Variants in PDZD2 observed in about 807,000 individuals in gnomAD.
PDZD2 encodes the protein PDZ domain-containing protein 2.
Under a neutral mutation model 220.7 loss-of-function variants are expected in PDZD2, and 90 were observed. The observed-to-expected ratio is 0.41, with a 90% CI of 0.34 to 0.49. The LOEUF is 0.49. Among genes scored for constraint, PDZD2 ranks in the 20% least tolerant of loss-of-function variants. PDZD2 has a pLI of 0.28. For synonymous variants in PDZD2, 1,375 were observed against 1,450.5 expected, an observed-to-expected ratio of 0.95 and a Z score of 1.18; for missense variants, 3,174 against 3,608.5, an observed-to-expected ratio of 0.88 and a Z score of 3.08.
chr5:31,852,075 T>C (rs1317726597), intron 2 of PDZD2, among the ~76,000 whole-genome samples: 1 of 152,072 alleles, frequency 6.6e-6, no homozygotes, highest in Non-Finnish European at 1.5e-5. Context: ...CAGGCTGGTC[T>C]TGAGCTCCTG....
At chr5:32,072,473 G>A (rs1289076572) in intron 17 of PDZD2, among the ~76,000 whole-genome samples, 156 bp downstream of exon 17, 1 of 152,262 alleles carries the variant, frequency 6.6e-6, no homozygotes, top group African/African-American at 2.4e-5. Context: ...GCTCACGCCT[G>A]TAATCCTAGC....
chr5:31,943,509 A>G (rs534220242), intron 2 of PDZD2, among the ~76,000 whole-genome samples: 15 of 152,306 alleles, frequency 9.8e-5, no homozygotes, highest in Admixed American at 2.0e-4. Context: ...GTGTAATGGT[A>G]TTCAGAATGT....
At position 32,109,164 on chromosome 5, in the gene PDZD2, T is replaced by A. The variant is rs1359001521; in HGVS notation, c.*1029T>A. The A allele has an allele frequency of 2.0e-5, 3 of 152,308 alleles. No individual in the cohort carries two copies. The highest frequency in any genetic ancestry group is 4.4e-5 in the Non-Finnish European group (3 of 68,036). 9.4% of individuals were successfully genotyped at this position (152,308 alleles called of 1,614,324 possible). ...GGATTTATAGACAATGTATGTACAA[T>A]CCAAATAGAGGAGCTTAATGGAATC... On this transcript the variant is annotated 3_prime_UTR_variant, in exon 25 of 25. Transcript: ENST00000438447.
At chr5:32,104,407 G>A (rs948422382) in intron 24 of PDZD2, among the ~76,000 whole-genome samples, 1 of 151,158 alleles carries the variant, frequency 6.6e-6, no homozygotes, top group Non-Finnish European at 1.5e-5. Flanking sequence ...CCAGGCTGGA[G>A]TGCAGTGTCA....
chr5:31,745,085 T>A (rs567107609), intron 1 of PDZD2, among the ~76,000 whole-genome samples: 3 of 151,948 alleles, frequency 2.0e-5, no homozygotes, highest in African/African-American at 4.8e-5. Context: ...AAAAAATAAA[T>A]AAATAAATAA....
chr5:32,082,426 G>A (rs543611474), intron 19 of PDZD2, among the ~76,000 whole-genome samples: 37 of 152,120 alleles, frequency 2.4e-4, no homozygotes, highest in South Asian at 8.3e-4. Context: ...TACACTGCAC[G>A]GTGGTTAAGC....
intron 1 of PDZD2, among the ~76,000 whole-genome samples, chr5:31,743,426 G>A (rs138234855): frequency 0.016 from 2,454 of 152,138 alleles, 81 homozygotes; most frequent in African/African-American, 0.057. Flanking sequence ...CCAAAGTGCT[G>A]GGACTACAGA....
chr5:31,824,343 G>A (rs1318012610), intron 2 of PDZD2, among the ~76,000 whole-genome samples: 1 of 151,790 alleles, frequency 6.6e-6, no homozygotes, highest in Non-Finnish European at 1.5e-5. Flanking sequence ...CGTAGCAATA[G>A]AAAACAAATA....
chr5:31,980,232 A>G (rs552091411), intron 2 of PDZD2, among the ~76,000 whole-genome samples: 1 of 152,254 alleles, frequency 6.6e-6, no homozygotes, highest in South Asian at 2.1e-4. Flanking sequence ...CCTGGCAAGC[A>G]CTAATCTTTC....
chr5:31,844,362 C>A (rs1757480245), intron 2 of PDZD2, among the ~76,000 whole-genome samples: 1 of 152,158 alleles, frequency 6.6e-6, no homozygotes, highest in South Asian at 2.1e-4. Context: ...GAAACCTATT[C>A]TTGGAAGCAG....
intron 1 of PDZD2, among the ~76,000 whole-genome samples, chr5:31,699,892 T>C (rs1747545628): frequency 6.6e-6 from 1 of 151,544 alleles, no homozygotes; most frequent in Non-Finnish European, 1.5e-5. Flanking sequence ...CACTTGGCCC[T>C]CTATTTTATT....
chr5:32,071,702 G>A (rs907635586), intron 16 of PDZD2, among the ~76,000 whole-genome samples: 2 of 152,232 alleles, frequency 1.3e-5, no homozygotes, highest in Non-Finnish European at 2.9e-5. Flanking sequence ...AGCAGCGTGA[G>A]TCAGGACTTG....
intron 2 of PDZD2, chr5:31,936,006 G>C (rs1308988122): frequency 1.4e-6 from 1 of 714,616 alleles, no homozygotes; most frequent in Admixed American, 6.3e-5. Context: ...CACTGGCAGG[G>C]CAAGGATTGG....
chr5:31,781,392 C>T (rs1465545692), intron 1 of PDZD2, among the ~76,000 whole-genome samples: 2 of 152,112 alleles, frequency 1.3e-5, no homozygotes, highest in African/African-American at 2.4e-5. Flanking sequence ...CCAGCCTGGG[C>T]GACAGAGCCA....
At chr5:32,002,052 C>G (rs758315009) in intron 5 of PDZD2, among the ~76,000 whole-genome samples, 13 of 152,196 alleles carry the variant, frequency 8.5e-5, no homozygotes, top group Non-Finnish European at 1.3e-4. Flanking sequence ...TCATAGGTCT[C>G]TTTATATTTT....
In PDZD2 at chr5:31,668,365, C is replaced by G. The variant is rs534453322; in HGVS notation, c.-361+28928C>G. 3.3e-5 allele frequency among the ~76,000 whole-genome samples: 5 copies of G among 152,324 alleles called. No homozygotes were observed. The East Asian group carries it at 9.6e-4, about 29-fold the overall frequency. The stretch of plus-strand genomic sequence containing the variant: ...TCCTTAGAACCACGGGGCTGCCCAC[C>G]ACCGGGCAAGTGTCTGGCTTGTGAG... On this transcript the variant is annotated intron_variant, in intron 1 of 24. Coordinates refer to ENST00000438447, the MANE Select transcript of PDZD2 (RefSeq NM_178140.4).
chr5:32,077,697 C>G, intron 19 of PDZD2, 91 bp downstream of exon 19: 1 of 1,337,164 alleles, frequency 7.5e-7, no homozygotes. Context: ...TGGCTTACAC[C>G]TGTAATCCCA....
At chr5:31,649,390 T>C (rs440141) in intron 1 of PDZD2, among the ~76,000 whole-genome samples, 142,955 of 151,132 alleles carry the variant, frequency 0.95, 67,747 homozygotes, top group East Asian at 1. Flanking sequence ...CAGAGCTCTT[T>C]TTCTGCTTGG....
chr5:31,830,997 G>C (rs1756550440), intron 2 of PDZD2, among the ~76,000 whole-genome samples: 2 of 152,208 alleles, frequency 1.3e-5, no homozygotes, highest in Admixed American at 1.3e-4. Context: ...AAGACTTCTT[G>C]GGCAGTTTAC....
Sources: gnomAD v4.1 joint callset for allele counts (sites outside exome capture counted in the v4.1 genomes callset) on GRCh38, gnomAD v4.1.1 for gene constraint, MANE v1.5 for transcripts, NCBI Gene and HGNC (gene_info 2026-07-23, HGNC 2026-07-21) for gene names.